Variants in CCBE1 observed in about 807,000 individuals in gnomAD.
The protein encoded by CCBE1 is collagen and calcium-binding EGF domain-containing protein 1.
A neutral mutation model predicts 50.0 loss-of-function variants in CCBE1; 37 were observed. The observed-to-expected ratio is 0.74, with a 90% CI of 0.57 to 0.97. The LOEUF (loss-of-function observed/expected upper bound fraction) is 0.97, where lower values mean the gene tolerates loss of function less well. Ranked by LOEUF, CCBE1 falls within the 50% of genes least tolerant of loss-of-function variation. CCBE1 has a pLI of 0.00. For synonymous variants in CCBE1, 234 were observed against 203.7 expected (o/e 1.15, Z -1.27); for missense variants, 538 against 523.8 (o/e 1.03, Z -0.26).
intron 2 of CCBE1, among the ~76,000 whole-genome samples, chr18:59,640,100 A>C (rs1287557876): frequency 6.6e-6 from 1 of 152,196 alleles, no homozygotes; most frequent in Non-Finnish European, 1.5e-5. Flanking sequence ...CTATGAAACT[A>C]CTACTGACAC....
intron 2 of CCBE1, among the ~76,000 whole-genome samples, chr18:59,676,421 C>T (rs532029115): frequency 6.6e-6 from 1 of 152,320 alleles, no homozygotes; most frequent in African/African-American, 2.4e-5. Flanking sequence ...TTTCATATGT[C>T]TCCTGCCCTG....
intron 2 of CCBE1, among the ~76,000 whole-genome samples, chr18:59,540,377 G>GT (rs1329827402): frequency 6.6e-6 from 1 of 152,176 alleles, no homozygotes; most frequent in Non-Finnish European, 1.5e-5. Context: ...TACATCCCTT[G>GT]TAAATAAATT....
rs2054826278 is a variant in CCBE1 at position 59,697,396 on chromosome 18, C to CT, written c.-55dup. 2.0e-6 allele frequency: 3 copies of CT among 1,521,904 alleles called. No homozygotes were observed. In the East Asian group the frequency reaches 7.4e-5, roughly 38 times the overall value. 94.3% of individuals were successfully genotyped at this position (1,521,904 alleles called of 1,614,324 possible). ...CCGAGCTCCGTCCGGACCAAGCGTC[C>CT]TGCTCCTCCGCGGCCGCCGCCGCCT... is the stretch of plus-strand genomic sequence containing the variant. On this transcript the variant is annotated 5_prime_UTR_variant, in exon 1 of 11. Coordinates refer to ENST00000439986, the MANE Select transcript of CCBE1 (RefSeq NM_133459.4).
chr18:59,628,252 G>A (rs1167497626), intron 2 of CCBE1, among the ~76,000 whole-genome samples: 1 of 151,988 alleles, frequency 6.6e-6, no homozygotes, highest in Non-Finnish European at 1.5e-5. Context: ...CCATCTTTTT[G>A]GATATTCTTT....
intron 2 of CCBE1, among the ~76,000 whole-genome samples, chr18:59,600,110 G>A (rs2053410296): frequency 6.6e-6 from 1 of 152,072 alleles, no homozygotes; most frequent in South Asian, 2.1e-4. Context: ...TTAAATCAGG[G>A]GTCCCCAACC....
At chr18:59,521,892 T>TA (rs1422122321) in intron 2 of CCBE1, among the ~76,000 whole-genome samples, 1 of 152,248 alleles carries the variant, frequency 6.6e-6, no homozygotes, top group African/African-American at 2.4e-5. Flanking sequence ...TTGGAAAATG[T>TA]AAAGCATGAA....
chr18:59,548,594 T>G (rs926882869), intron 2 of CCBE1, among the ~76,000 whole-genome samples: 1 of 152,124 alleles, frequency 6.6e-6, no homozygotes, highest in Non-Finnish European at 1.5e-5. Context: ...GTCATGCAAA[T>G]GAAATCACCA....
At chr18:59,609,336 C>T (rs1247388692) in intron 2 of CCBE1, among the ~76,000 whole-genome samples, 1 of 152,226 alleles carries the variant, frequency 6.6e-6, no homozygotes, top group African/African-American at 2.4e-5. Context: ...TGGACAGTTC[C>T]TCTTGCATAT....
At chr18:59,618,050 T>A (rs1301373963) in intron 2 of CCBE1, among the ~76,000 whole-genome samples, 1 of 152,236 alleles carries the variant, frequency 6.6e-6, no homozygotes, top group Non-Finnish European at 1.5e-5. Context: ...CTAAGAAAGA[T>A]AATCAATTTT....
Position 59,435,809 on chromosome 18 carries a change from A to T in CCBE1, c.*99T>A, listed in dbSNP as rs1288416552. 9.6e-7 allele frequency: 1 copy of T among 1,036,518 alleles called. No individual in the cohort carries two copies. Among genetic ancestry groups the T allele is most frequent in the African/African-American group, 1.6e-5 (1 of 63,318 alleles). 64.2% of individuals were successfully genotyped at this position (1,036,518 alleles called of 1,614,324 possible). A position where few individuals can be genotyped will look rare whatever the true frequency, so the allele number is the denominator to read the frequency against. On this transcript the variant is annotated 3_prime_UTR_variant, in exon 11 of 11. Coordinates refer to ENST00000439986, the MANE Select transcript of CCBE1 (RefSeq NM_133459.4). The stretch of plus-strand genomic sequence containing the variant: ...TCAGGAGAAGAGAAGAGAAAAATGT[A>T]TGTTTTCTAGGTCTCCAGTGGTCTT...
intron 2 of CCBE1, chr18:59,696,348 A>C (rs565146438): frequency 1.1e-3 from 706 of 663,444 alleles, no homozygotes; most frequent in Non-Finnish European, 1.5e-3. Context: ...AATCCAATCC[A>C]ATCTCCTTCA....
chr18:59,550,998 C>CAAAAAAAAAAAAAAAAAAAA (rs555160847), intron 2 of CCBE1, among the ~76,000 whole-genome samples: 22 of 71,362 alleles, frequency 3.1e-4, no homozygotes, highest in South Asian at 1.2e-3. Flanking sequence ...CAGCGAGACT[C>CAAAAAAAAAAAAAAAAAAAA]AAAAAAAAAA....
chr18:59,546,648 G>A (rs577307195), intron 2 of CCBE1, among the ~76,000 whole-genome samples: 3 of 152,288 alleles, frequency 2.0e-5, no homozygotes, highest in Admixed American at 2.0e-4. Flanking sequence ...TTACTAATTT[G>A]TAGAAACCTG....
At chr18:59,476,113 TC>T (rs1156847619) in intron 3 of CCBE1, among the ~76,000 whole-genome samples, 1 of 151,934 alleles carries the variant, frequency 6.6e-6, no homozygotes, top group African/African-American at 2.4e-5. Context: ...GGGACAACCC[TC>T]CCATCTCTGC....
intron 2 of CCBE1, among the ~76,000 whole-genome samples, chr18:59,579,491 C>A (rs2053052170): frequency 6.6e-6 from 1 of 152,110 alleles, no homozygotes; most frequent in South Asian, 2.1e-4. Context: ...ACTTAAAAAG[C>A]TTTTCAATGT....
At chr18:59,565,227 G>A (rs1281849705) in intron 2 of CCBE1, among the ~76,000 whole-genome samples, 1 of 110,662 alleles carries the variant, frequency 9.0e-6, no homozygotes, top group Non-Finnish European at 1.8e-5. Flanking sequence ...AGGAAGGGGA[G>A]TAGAAAAGAG....
At position 59,634,145 on chromosome 18, in the gene CCBE1, A is replaced by C. The variant is rs1249854678; in HGVS notation, c.212+62484T>G. ...TAAAACTCAAACTGAAGCCAAGTAT[A>C]ATCATTTTGCAAAATGGAAATGAGG... On this transcript the variant is annotated intron_variant, in intron 2 of 10. Transcript: ENST00000439986. Among the ~76,000 whole-genome samples, 10 of 152,254 alleles carry C rather than the reference A, an allele frequency of 6.6e-5. 1 individual carries two copies. The highest frequency in any genetic ancestry group is 6.5e-4 in the Admixed American group (10 of 15,288).
intron 2 of CCBE1, among the ~76,000 whole-genome samples, chr18:59,514,062 T>A (rs1409197803): frequency 6.6e-6 from 1 of 152,192 alleles, no homozygotes; most frequent in Non-Finnish European, 1.5e-5. Flanking sequence ...TCCTTTCCAA[T>A]GAACCCTCAT....
intron 2 of CCBE1, among the ~76,000 whole-genome samples, chr18:59,547,100 A>C (rs1915731829): frequency 9.0e-6 from 1 of 110,800 alleles, no homozygotes; most frequent in African/African-American, 3.4e-5. Context: ...AGAGGGAGGT[A>C]GGGAGAGGGA....
Sources: gnomAD v4.1 joint callset for allele counts (sites outside exome capture counted in the v4.1 genomes callset) on GRCh38, gnomAD v4.1.1 for gene constraint, MANE v1.5 for transcripts, NCBI Gene and HGNC (gene_info 2026-07-23, HGNC 2026-07-21) for gene names.